Variants in DNAH5 observed in about 807,000 individuals in gnomAD.
The protein encoded by DNAH5 is axonemal beta dynein heavy chain 5.
In DNAH5, 372 loss-of-function variants were observed where a neutral mutation model predicts 518.2. That is an observed-to-expected ratio of 0.72 (90% CI 0.66 to 0.78). The LOEUF (loss-of-function observed/expected upper bound fraction) is 0.78. Among genes scored for constraint, DNAH5 ranks in the 30% least tolerant of loss-of-function variants. The pLI, the probability that DNAH5 is intolerant of heterozygous loss-of-function variation, is 0.00. For missense variants in DNAH5, 5,523 were observed against 5,687.0 expected, an observed-to-expected ratio of 0.97 and a Z score of 0.93; for synonymous variants, 2,039 against 2,025.9, an observed-to-expected ratio of 1.01 and a Z score of -0.17.
intron 74 of DNAH5, among the ~76,000 whole-genome samples, chr5:13,715,417 T>G (rs1744157964): frequency 6.6e-6 from 1 of 152,214 alleles, no homozygotes; most frequent in Non-Finnish European, 1.5e-5. Flanking sequence ...CCCAAATTTA[T>G]ACCTTCATGG....
In DNAH5 at chr5:13,944,553, C is replaced by T. The variant is rs1779763853; in HGVS notation, c.-115G>A. Reference sequence around the variant, plus strand: ...AATGGAAAGTTTTACTTCCATTTTACTTTCACGTTTCTAATTTGCATGTAT... The same window carrying T: ...AATGGAAAGTTTTACTTCCATTTTATTTTCACGTTTCTAATTTGCATGTAT... On this transcript the variant is annotated 5_prime_UTR_variant, in exon 1 of 79. Transcript: ENST00000265104. The T allele has an allele frequency of 1.2e-6, 1 of 855,324 alleles. No individual in the cohort carries two copies. Among genetic ancestry groups the T allele is most frequent in the Non-Finnish European group, 1.9e-6 (1 of 520,304 alleles). The allele number at this position is 855,324 out of a possible 1,614,324, so 53.0% of individuals were successfully genotyped here. A position where few individuals can be genotyped will look rare whatever the true frequency, so the allele number is the denominator to read the frequency against.
At chr5:13,996,839 C>T (rs190188804) in intron 1 of DNAH5, among the ~76,000 whole-genome samples, 1 of 152,360 alleles carries the variant, frequency 6.6e-6, no homozygotes, top group Admixed American at 6.5e-5. Context: ...TCAGGGGCAG[C>T]CCCAATCCCA....
At chr5:13,779,895 TA>T (rs1222539488) in intron 53 of DNAH5, among the ~76,000 whole-genome samples, 1 of 152,200 alleles carries the variant, frequency 6.6e-6, no homozygotes, top group African/African-American at 2.4e-5. Flanking sequence ...GACAGCCTTA[TA>T]ACTATTCTAT....
rs1324552034 is a variant in DNAH5, at chr5:13,850,706, T to C, written c.5060A>G (p.Gln1687Arg). Residue 1687 changes from glutamine (Q) to arginine (R), a missense_variant, in exon 31 of 79, where the codon CAG becomes CGG. Gln to Arg is a conservative substitution (Grantham distance 43). This residue lies in a region of DNAH5 where 5,121 missense variants were observed against 5,223.3 expected (regional missense o/e 0.98). Transcript: ENST00000265104. ...QCCVGDETLG[Q>R]LLPHLLDQLE... ...CTGGTCCAGCAAGTGTGGTAACAGC[T>C]GCCCCAGGGTCTCATCTCCAACACA... 2 of 1,614,038 alleles carry C rather than the reference T, an allele frequency of 1.2e-6. No homozygotes were observed. Among genetic ancestry groups the C allele is most frequent in the Non-Finnish European group, 1.7e-6 (2 of 1,180,008 alleles).
intron 1 of DNAH5, chr5:13,932,326 C>T (rs1036612005): frequency 6.6e-6 from 1 of 152,140 alleles, no homozygotes; most frequent in Non-Finnish European, 1.5e-5. Context: ...AGAAGGGTCT[C>T]CCACTCTAGC....
intron 1 of DNAH5, among the ~76,000 whole-genome samples, chr5:14,006,139 C>A (rs1399036560): frequency 6.6e-6 from 1 of 151,996 alleles, no homozygotes; most frequent in Non-Finnish European, 1.5e-5. Context: ...GAGCAAGAGT[C>A]CAGACCTTCG....
intron 1 of DNAH5, among the ~76,000 whole-genome samples, chr5:13,978,831 C>G (rs982900060): frequency 7.9e-5 from 12 of 152,136 alleles, no homozygotes; most frequent in Non-Finnish European, 1.6e-4. Flanking sequence ...GAATGTATCT[C>G]CATCATTAAG....
At chr5:13,921,770 A>ACC (rs775585354) in intron 5 of DNAH5, among the ~76,000 whole-genome samples, 1 of 129,062 alleles carries the variant, frequency 7.7e-6, no homozygotes, top group African/African-American at 2.8e-5. Context: ...ACACACACAC[A>ACC]CTTCAGTTCC....
rs555524525 is a variant in DNAH5 at position 13,811,127 on chromosome 5, C to G, written c.7407+520G>C. ...AGGAAATGGGGATGATGAATGGGTGCAAAAATACACAGTGATTGCAGTCAG... is the reference window on the plus strand; with the variant it reads ...AGGAAATGGGGATGATGAATGGGTGGAAAAATACACAGTGATTGCAGTCAG... On this transcript the variant is annotated intron_variant, in intron 44 of 78. Coordinates refer to ENST00000265104, the MANE Select transcript of DNAH5 (RefSeq NM_001369.3). Among the ~76,000 whole-genome samples, 23 of 152,062 alleles carry G rather than the reference C, an allele frequency of 1.5e-4. No individual in the cohort carries two copies. In the South Asian group the frequency reaches 4.8e-3, roughly 32 times the overall value.
intron 66 of DNAH5, 54 bp from the exon 67 acceptor site, chr5:13,735,986 C>A (rs1315970551): frequency 7.1e-7 from 1 of 1,405,354 alleles, no homozygotes. Flanking sequence ...AATAAATGAT[C>A]CATGCAAAGA....
intron 60 of DNAH5, among the ~76,000 whole-genome samples, chr5:13,761,124 T>C (rs939668253): frequency 6.6e-6 from 1 of 152,226 alleles, no homozygotes; most frequent in Admixed American, 6.5e-5. Context: ...CCAGATTGTC[T>C]TGAGACAAGC....
chr5:13,835,822 A>T (rs1764309893), intron 35 of DNAH5, among the ~76,000 whole-genome samples: 1 of 151,890 alleles, frequency 6.6e-6, no homozygotes, highest in African/African-American at 2.4e-5. Context: ...TTTCCACCCC[A>T]TGAAACGACT....
intron 6 of DNAH5, among the ~76,000 whole-genome samples, chr5:13,919,687 T>C (rs373543147): frequency 6.6e-6 from 1 of 152,212 alleles, no homozygotes. Context: ...ATGTGAGTAT[T>C]TGTTATATAT....
chr5:13,960,258 A>G (rs983346854), intron 1 of DNAH5, among the ~76,000 whole-genome samples: 12 of 152,218 alleles, frequency 7.9e-5, no homozygotes, highest in Non-Finnish European at 1.6e-4. Context: ...AACGAGGTGG[A>G]CCGTACTGTG....
Position 13,705,701 on chromosome 5 carries a change from A to C in DNAH5, c.13338+2422T>G, listed in dbSNP as rs76339309. Among the ~76,000 whole-genome samples, 679 of 152,326 alleles carry C rather than the reference A, an allele frequency of 4.5e-3. 5 individuals are homozygous for C. The highest frequency in any genetic ancestry group is 0.015 in the African/African-American group (635 of 41,568). ...AACAGGGTCTTTACAGAGGAAATCA[A>C]GTGAAAATGAAGGCATAAGCGTGAC... On this transcript the variant is annotated intron_variant, in intron 76 of 78. Transcript: ENST00000265104.
At position 13,892,077 on chromosome 5, in the gene DNAH5, T is replaced by C. The variant is rs112371620; in HGVS notation, c.2432-956A>G. On this transcript the variant is annotated intron_variant, in intron 16 of 78. Coordinates refer to ENST00000265104, the MANE Select transcript of DNAH5 (RefSeq NM_001369.3). ...ACACCTCCTTAAATAAATACCTTTA[T>C]TTCCTAAAGAATAAAAGCCTAAAAG... Among the ~76,000 whole-genome samples the C allele has an allele frequency of 1.0e-3, 156 of 150,060 alleles. 1 individual carries two copies. The highest frequency in any genetic ancestry group is 3.6e-3 in the African/African-American group (145 of 40,630).
chr5:13,825,567 T>C (rs966754074), intron 38 of DNAH5, among the ~76,000 whole-genome samples: 1 of 152,196 alleles, frequency 6.6e-6, no homozygotes, highest in South Asian at 2.1e-4. Context: ...AAAACATGAA[T>C]GAACCTTGAG....
chr5:13,778,238 A>T (rs1300539611), intron 53 of DNAH5, among the ~76,000 whole-genome samples: 1 of 152,056 alleles, frequency 6.6e-6, no homozygotes, highest in East Asian at 1.9e-4. Context: ...ATACTTCTAG[A>T]AGACACCTAA....
rs1349426223 is a variant in DNAH5, at chr5:13,827,955, G to T, written c.6444+1555C>A. Among the ~76,000 whole-genome samples, 4 of 152,210 alleles carry T rather than the reference G, an allele frequency of 2.6e-5. No homozygotes were observed. In the East Asian group the frequency reaches 7.7e-4, roughly 29 times the overall value. ...GTTTGCTTCCCCTTCCACCATGATTGTAAGTTTCCTGAGGCCTTCCCAGCC... is the reference window on the plus strand; with the variant it reads ...GTTTGCTTCCCCTTCCACCATGATTTTAAGTTTCCTGAGGCCTTCCCAGCC... On this transcript the variant is annotated intron_variant, in intron 38 of 78. Coordinates refer to ENST00000265104, the MANE Select transcript of DNAH5 (RefSeq NM_001369.3).
Sources: gnomAD v4.1 joint callset for allele counts (sites outside exome capture counted in the v4.1 genomes callset) on GRCh38, gnomAD v4.1.1 for gene constraint, gnomAD v4.1.1 regional missense constraint, MANE v1.5 for transcripts, NCBI Gene and HGNC (gene_info 2026-07-23, HGNC 2026-07-21) for gene names.